Variants in CHD5 observed in about 807,000 individuals in gnomAD.
The protein encoded by CHD5 is ATP-dependent chromatin remodeler CHD5.
In CHD5, 69 loss-of-function variants were observed where a neutral mutation model predicts 230.3. The ratio of observed to expected loss-of-function variants is 0.30; its 90% confidence interval spans 0.25 to 0.37. The LOEUF is 0.37. Among genes scored for constraint, CHD5 ranks in the 10% least tolerant of loss-of-function variants. The probability of loss-of-function intolerance (pLI) is 1.00; values close to 1 mark genes in which losing one functional copy is unlikely to be tolerated. For missense variants in CHD5, 1,827 were observed against 2,622.8 expected, an observed-to-expected ratio of 0.70 and a Z score of 6.63; for synonymous variants, 1,064 against 1,065.9, an observed-to-expected ratio of 1.00 and a Z score of 0.03.
In CHD5 at chr1:6,112,207, C is replaced by T; in HGVS notation, c.5073G>A (p.Glu1691=). ...TCCCCTTCTTGTCCTCCTTCTTCCC[C>T]TCGTCATCTTCCTCTTTGTCACCAT... ...QQNGDKEEDD[E]GKKEDKKGKF... The change falls in exon 35 of 42, where the codon GAG becomes GAA. Residue 1691 remains glutamate, a synonymous_variant. Transcript: ENST00000262450. The T allele has an allele frequency of 6.2e-7, 1 of 1,614,176 alleles. No individual in the cohort carries two copies. Among genetic ancestry groups the T allele is most frequent in the Non-Finnish European group, 8.5e-7 (1 of 1,180,032 alleles).
In CHD5 at chr1:6,129,334, AGT is replaced by A. The variant is rs57973618; in HGVS notation, c.3388-267_3388-266del. On this transcript the variant is annotated intron_variant, in intron 22 of 41. Coordinates refer to ENST00000262450, the MANE Select transcript of CHD5 (RefSeq NM_015557.3). The surrounding 1 kb of genome is among the most constrained non-coding windows in gnomAD (Gnocchi z 6.8). ...GCAGGCAGGACTGCAGGTGTGCAAG[AGT>A]GTGTGAGGGATGATACGGCCAGTGT... Among the ~76,000 whole-genome samples the A allele has an allele frequency of 0.013, 2,010 of 152,258 alleles. 40 individuals carry two copies. Among genetic ancestry groups the A allele is most frequent in the African/African-American group, 0.045 (1,888 of 41,544 alleles).
rs201936181 is a variant in CHD5, at chr1:6,146,373, G to A, written c.1641C>T (p.Asp547=). 161 of 1,614,146 alleles carry A rather than the reference G, an allele frequency of 1.0e-4. 1 individual carries two copies. In the South Asian group the frequency reaches 1.1e-3, roughly 11 times the overall value. The change falls in exon 11 of 42, where the codon GAC becomes GAT. Residue 547 remains aspartate, a synonymous_variant. Transcript: ENST00000262450. This position sits in a 1 kb window ranked among gnomAD's most constrained non-coding sequence, Gnocchi z 5.1. Reference sequence around the variant, plus strand: ...AGTCAAAGGGGGGCGGCTCATCCATGTCGTTCTTTCTTTGGTAGTTGCGAT... The same window carrying A: ...AGTCAAAGGGGGGCGGCTCATCCATATCGTTCTTTCTTTGGTAGTTGCGAT... ...VMYRNYQRKN[D]MDEPPPFDYG... is the part of the protein sequence containing the mutation.
rs765195436 is a variant in CHD5 at position 6,135,322 on chromosome 1, C to G, written c.2778G>C (p.Pro926=). ...CAGCCTTGAGCCGCCTGAGCATGTG[C>G]GGCCCCAGCAGGTCATGCAGCTTCT... ...QIKKLHDLLG[P]HMLRRLKADV... Residue 926 remains proline, a synonymous_variant, in exon 18 of 42, where the codon CCG becomes CCC. Coordinates refer to ENST00000262450, the MANE Select transcript of CHD5 (RefSeq NM_015557.3). The G allele has an allele frequency of 1.9e-6, 3 of 1,614,038 alleles. No individual in the cohort carries two copies. The African/African-American group carries it at 4.0e-5, about 22-fold the overall frequency.
Position 6,125,001 on chromosome 1 carries a change from G to A in CHD5, c.4394+99C>T, listed in dbSNP as rs1411930581. 3 of 1,268,582 alleles carry A rather than the reference G, an allele frequency of 2.4e-6. No individual in the cohort carries two copies. The highest frequency in any genetic ancestry group is 3.2e-6 in the Non-Finnish European group (3 of 944,836). The allele number at this position is 1,268,582 out of a possible 1,614,324, so 78.6% of individuals were successfully genotyped here. ...TGAACTTTCCAGACGGCCTCATCCT[G>A]GCGGAAGCAAATGCTGCCCTCTGTG... is the stretch of plus-strand genomic sequence containing the variant. On this transcript the variant is annotated intron_variant, in intron 29 of 41. Transcript: ENST00000262450. The surrounding 1 kb of genome is among the most constrained non-coding windows in gnomAD (Gnocchi z 6.7).
intron 5 of CHD5, among the ~76,000 whole-genome samples, chr1:6,152,827 T>C (rs1224395861): frequency 6.6e-6 from 1 of 152,008 alleles, no homozygotes; most frequent in Non-Finnish European, 1.5e-5. Flanking sequence ...CCCTATACCG[T>C]CTCCAACCAC....
chr1:6,122,540 A>T (rs898356451), intron 31 of CHD5, among the ~76,000 whole-genome samples: 1 of 152,202 alleles, frequency 6.6e-6, no homozygotes. Flanking sequence ...ACTAGCAGGA[A>T]TGTAAAATGG....
rs763457372 is a variant in CHD5, at chr1:6,142,192, C to T, written c.2372G>A (p.Arg791Gln). Residue 791 changes from arginine (R) to glutamine (Q), a missense_variant, in exon 15 of 42, where the codon CGG (arginine) becomes CAG (glutamine). Physicochemically the swap from Arg to Gln is conservative, Grantham distance 43. Around this residue, in one of 14 missense-constraint regions of CHD5, gnomAD observed 80 missense variants for 96.4 expected, o/e 0.83. Coordinates refer to ENST00000262450, the MANE Select transcript of CHD5 (RefSeq NM_015557.3). The surrounding 1 kb of genome is among the most constrained non-coding windows in gnomAD (Gnocchi z 5.2). ...GTCCTCAAAGGAAAACTCGTTCTCC[C>T]GAATCACCGAGCGGCTCTCCTTGTC... ...TGDKESRSVI[R>Q]ENEFSFEDNA... 4 of 1,614,050 alleles carry T rather than the reference C, an allele frequency of 2.5e-6. No homozygotes were observed. The highest frequency in any genetic ancestry group is 1.1e-5 in the South Asian group (1 of 91,076).
chr1:6,130,328 G>A lies in CHD5; in HGVS notation c.3263C>T (p.Ala1088Val). The change falls in exon 22 of 42, where the codon GCC (alanine) becomes GTC (valine). Residue 1088 changes from alanine (A) to valine (V), a missense_variant and splice_region_variant. By Grantham distance (64) the Ala-to-Val change is moderately conservative. Coordinates refer to ENST00000262450, the MANE Select transcript of CHD5 (RefSeq NM_015557.3). The surrounding 1 kb of genome is among the most constrained non-coding windows in gnomAD (Gnocchi z 4.9). ...LRQEAIDRFN[A>V]PGAQQFCFLL... Reference sequence around the variant, plus strand: ...GAAGCAGAACTGCTGGGCCCCGGGGGCTGAAAAAGAGAGGCCAGCAGATGG... The same window carrying A: ...GAAGCAGAACTGCTGGGCCCCGGGGACTGAAAAAGAGAGGCCAGCAGATGG... 16 of 1,613,508 alleles carry A rather than the reference G, an allele frequency of 9.9e-6. No individual in the cohort carries two copies. Among genetic ancestry groups the A allele is most frequent in the Non-Finnish European group, 1.4e-5 (16 of 1,179,784 alleles).
intron 40 of CHD5, 36 bp downstream of exon 40, chr1:6,106,359 C>T (rs1666166256): frequency 6.2e-7 from 1 of 1,611,054 alleles, no homozygotes; most frequent in Admixed American, 1.7e-5. Context: ...CGGCGGGCAC[C>T]CGTGTGCATG....
At chr1:6,124,491 G>A (rs755212730) in intron 30 of CHD5, 26 bp downstream of exon 30, 7 of 1,613,488 alleles carry the variant, frequency 4.3e-6, no homozygotes, top group Middle Eastern at 1.6e-4. Context: ...CACCAGGAAG[G>A]GCCCTACAGA....
At chr1:6,172,991 C>A (rs902717972) in intron 1 of CHD5, among the ~76,000 whole-genome samples, 1 of 152,094 alleles carries the variant, frequency 6.6e-6, no homozygotes, top group Non-Finnish European at 1.5e-5. Flanking sequence ...AGGGGCCAAG[C>A]CAGGAGCTGG....
intron 1 of CHD5, among the ~76,000 whole-genome samples, chr1:6,178,186 A>G (rs1042829386): frequency 1.3e-5 from 2 of 152,000 alleles, no homozygotes; most frequent in African/African-American, 2.4e-5. Flanking sequence ...TCTGGGGCCA[A>G]CCCACCGAGG....
chr1:6,110,053 C>T, intron 37 of CHD5, 63 bp from the exon 38 acceptor site: 1 of 1,365,816 alleles, frequency 7.3e-7, no homozygotes. Context: ...CCGTGCTCCA[C>T]CAGCGCCCAC....
chr1:6,119,084 A>T (rs924753196), intron 33 of CHD5, among the ~76,000 whole-genome samples: 5 of 151,536 alleles, frequency 3.3e-5, no homozygotes, highest in African/African-American at 1.2e-4. Context: ...AAAAAGGAAT[A>T]GAAAAAGGCG....
chr1:6,179,950 A>C lies in CHD5; in HGVS notation c.74T>G (p.Met25Arg). 3.0e-6 allele frequency: 4 copies of C among 1,329,280 alleles called. No homozygotes were observed. Among genetic ancestry groups the C allele is most frequent in the Non-Finnish European group, 2.9e-6 (3 of 1,022,554 alleles). 82.3% of individuals were successfully genotyped at this position (1,329,280 alleles called of 1,614,324 possible). Reference protein sequence around the residue: ...FAEEMENEDEMSEEEDGGLEA... With the variant: ...FAEEMENEDERSEEEDGGLEA... ...CGCACCCGCGCCCCGCTCACCTGAC[A>C]TCTCGTCCTCATTCTCCATCTCCTC... The change falls in exon 1 of 42, where the codon ATG becomes AGG. Residue 25 changes from methionine to arginine, a missense_variant. Physicochemically the swap from Met to Arg is moderately conservative, Grantham distance 91. Around this residue, in one of 14 missense-constraint regions of CHD5, gnomAD observed 113 missense variants for 91.9 expected, o/e 1.23. Transcript: ENST00000262450.
intron 31 of CHD5, among the ~76,000 whole-genome samples, chr1:6,122,798 G>A (rs1003982451): frequency 3.9e-5 from 6 of 152,308 alleles, no homozygotes; most frequent in East Asian, 1.9e-4. Context: ...GGCCAGGCGC[G>A]GTGGCTCACG....
intron 9 of CHD5, among the ~76,000 whole-genome samples, chr1:6,147,585 C>T (rs369187026): frequency 1.2e-4 from 18 of 152,334 alleles, no homozygotes; most frequent in African/African-American, 3.6e-4. Flanking sequence ...GCGGTGCTGT[C>T]TGACTGGACA....
intron 33 of CHD5, among the ~76,000 whole-genome samples, chr1:6,113,945 C>T (rs1293619684): frequency 6.6e-6 from 1 of 152,162 alleles, no homozygotes; most frequent in Non-Finnish European, 1.5e-5. Context: ...CACGGAGCTC[C>T]TGCAGATAAA....
intron 1 of CHD5, among the ~76,000 whole-genome samples, chr1:6,176,346 A>T (rs59897217): frequency 0.2 from 30,493 of 152,132 alleles, 6,372 homozygotes; most frequent in African/African-American, 0.53. Context: ...GGGGCCAGAG[A>T]GGTAACGGTG....
Sources: allele counts gnomAD v4.1 joint callset (sites outside exome capture counted in the v4.1 genomes callset), GRCh38; gene constraint gnomAD v4.1.1; regional missense constraint gnomAD v4.1.1; non-coding constraint Gnocchi (gnomAD v3.1); transcripts MANE v1.5; gene names NCBI Gene and HGNC (gene_info 2026-07-23, HGNC 2026-07-21).